The following STARD13 variants were observed in gnomAD, a reference collection of about 807,000 sequenced individuals.
STARD13 encodes the protein StAR related lipid transfer domain containing 13, also known as stAR-related lipid transfer protein 13.
A neutral mutation model predicts 106.4 loss-of-function variants in STARD13; 62 were observed. The ratio of observed to expected loss-of-function variants is 0.58; its 90% CI spans 0.48 to 0.72. The LOEUF is 0.72. STARD13 is among the 30% of genes least tolerant of loss of function. The pLI, the probability that STARD13 is intolerant of heterozygous loss-of-function variation, is 0.00. For missense variants in STARD13, 1,387 were observed against 1,424.0 expected, an observed-to-expected ratio of 0.97 and a Z score of 0.42; for synonymous variants, 565 against 553.0, an observed-to-expected ratio of 1.02 and a Z score of -0.31.
the STARD13 span, among the ~76,000 whole-genome samples, chr13:33,386,596 G>C: frequency 6.6e-6 from 1 of 152,162 alleles, no homozygotes; most frequent in Non-Finnish European, 1.5e-5. Context: ...ACTAAGGGAC[G>C]TGTGCCCACT....
intron 1 of STARD13, chr13:33,280,500 C>T (rs1380376368): frequency 6.6e-6 from 1 of 152,146 alleles, no homozygotes; most frequent in Non-Finnish European, 1.5e-5. Context: ...CACACACGGA[C>T]TTCCTTCAGT....
chr13:33,437,554 G>A, the STARD13 span, among the ~76,000 whole-genome samples: 2 of 152,296 alleles, frequency 1.3e-5, no homozygotes, highest in East Asian at 3.9e-4. Context: ...AATGAGGGCA[G>A]TTGACTTTAC....
chr13:33,650,187 T>G, the STARD13 span, among the ~76,000 whole-genome samples: 2 of 102,288 alleles, frequency 2.0e-5, no homozygotes, highest in East Asian at 3.0e-4. Context: ...TTTTTTTTTT[T>G]TTTTTTTTTT....
the STARD13 span, among the ~76,000 whole-genome samples, chr13:33,671,278 C>A: frequency 6.6e-6 from 1 of 152,180 alleles, no homozygotes; most frequent in African/African-American, 2.4e-5. Flanking sequence ...ATGATAGTTT[C>A]CAATTACCAT....
chr13:33,595,083 T>G, the STARD13 span, among the ~76,000 whole-genome samples: 1 of 152,256 alleles, frequency 6.6e-6, no homozygotes, highest in African/African-American at 2.4e-5. Flanking sequence ...ACTTCCAAAC[T>G]GTTTTAGGAC....
At chr13:33,541,487 AC>A in the STARD13 span, among the ~76,000 whole-genome samples, 1 of 152,216 alleles carries the variant, frequency 6.6e-6, no homozygotes. Flanking sequence ...AGTACTCCTC[AC>A]GTCACAGCAG....
chr13:33,129,697 C>T lies in STARD13; in HGVS notation c.980G>A (p.Gly327Asp), dbSNP rs915644249. The T allele has an allele frequency of 3.1e-6, 5 of 1,613,948 alleles. No homozygotes were observed. The highest frequency in any genetic ancestry group is 4.2e-6 in the Non-Finnish European group (5 of 1,180,032). ...CGGGCTGCTCTCGCCACTCGACTTG[C>T]CAGAGCATGGGAGCCCTTTTCTGCA... ...PACRKGLPCS[G>D]KSSGESSPSE... The change falls in exon 5 of 14, where the codon GGC becomes GAC. Residue 327 changes from glycine (G) to aspartate (D), a missense_variant. By Grantham distance (94) the Gly-to-Asp change is moderately conservative (BLOSUM62 -1). Coordinates refer to ENST00000336934, the MANE Select transcript of STARD13 (RefSeq NM_178006.4).
chr13:33,481,718 G>A, the STARD13 span, among the ~76,000 whole-genome samples: 1 of 152,136 alleles, frequency 6.6e-6, no homozygotes, highest in African/African-American at 2.4e-5. Context: ...ATTTTTATGT[G>A]TGGACTTTAT....
chr13:33,299,103 T>C (rs143151667), intron 1 of STARD13, among the ~76,000 whole-genome samples: 2 of 152,374 alleles, frequency 1.3e-5, no homozygotes, highest in African/African-American at 4.8e-5. Context: ...TACAATTGCC[T>C]GCAGAATTCA....
intron 1 of STARD13, among the ~76,000 whole-genome samples, chr13:33,324,810 A>G (rs1426795417): frequency 2.0e-5 from 3 of 152,202 alleles, no homozygotes; most frequent in African/African-American, 7.2e-5. Context: ...TTCTGAGTAC[A>G]TGGAAGGCCG....
chr13:33,263,699 A>G (rs7327015), intron 1 of STARD13, among the ~76,000 whole-genome samples: 40,883 of 152,052 alleles, frequency 0.27, 6,631 homozygotes, highest in African/African-American at 0.44. Flanking sequence ...ATGTCACCCG[A>G]GCACTCTCTT....
the STARD13 span, among the ~76,000 whole-genome samples, chr13:33,481,621 G>A: frequency 6.6e-6 from 1 of 152,170 alleles, no homozygotes; most frequent in African/African-American, 2.4e-5. Context: ...ACTTGAGGTT[G>A]TGTGTGAATG....
chr13:33,177,846 G>T (rs866557212), intron 1 of STARD13, among the ~76,000 whole-genome samples: 3 of 11,050 alleles, frequency 2.7e-4, no homozygotes, highest in East Asian at 2.6e-3. Context: ...GGAAGGAAAG[G>T]AAGGAAGGAA....
chr13:33,106,376 G>GT (rs1338505650), intron 13 of STARD13, among the ~76,000 whole-genome samples: 1 of 152,178 alleles, frequency 6.6e-6, no homozygotes, highest in Non-Finnish European at 1.5e-5. Context: ...AGCCCTGATG[G>GT]TGCCACTGCA....
At chr13:33,356,362 CT>C in the STARD13 span, among the ~76,000 whole-genome samples, 1 of 152,212 alleles carries the variant, frequency 6.6e-6, no homozygotes, top group South Asian at 2.1e-4. Context: ...CAAACATACA[CT>C]GTGAAGCATT....
At chr13:33,331,001 T>C (rs2077829558) in intron 1 of STARD13, among the ~76,000 whole-genome samples, 2 of 152,360 alleles carry the variant, frequency 1.3e-5, no homozygotes, top group South Asian at 4.1e-4. Flanking sequence ...GGGCTTGTGA[T>C]GCTCATGAGA....
At chr13:33,208,959 C>T (rs2138128997) in intron 1 of STARD13, among the ~76,000 whole-genome samples, 1 of 152,310 alleles carries the variant, frequency 6.6e-6, no homozygotes, top group East Asian at 1.9e-4. Flanking sequence ...TAGTGAAATA[C>T]TTTTGCAGCC....
chr13:33,319,475 T>C (rs1048977395), intron 1 of STARD13, among the ~76,000 whole-genome samples: 3 of 152,324 alleles, frequency 2.0e-5, no homozygotes, highest in Middle Eastern at 3.4e-3. Flanking sequence ...TTGCACAAAT[T>C]TGTGAATATA....
chr13:33,370,044 A>G, the STARD13 span, among the ~76,000 whole-genome samples: 5 of 152,206 alleles, frequency 3.3e-5, no homozygotes, highest in African/African-American at 1.2e-4. Flanking sequence ...GAGCTCTGCT[A>G]TTTGCCAGAA....
Sources: gnomAD v4.1 joint callset for allele counts (sites outside exome capture counted in the v4.1 genomes callset) on GRCh38, gnomAD v4.1.1 for gene constraint, MANE v1.5 for transcripts, NCBI Gene and HGNC (gene_info 2026-07-23, HGNC 2026-07-21) for gene names.